NUBPL: variants seen among roughly 807,000 people sequenced by gnomAD.
NUBPL encodes the protein NUBP iron-sulfur cluster assembly factor, mitochondrial, also known as iron-sulfur cluster transfer protein NUBPL.
A neutral mutation model predicts 45.7 loss-of-function variants in NUBPL; 31 were observed. The ratio of observed to expected loss-of-function variants is 0.68; its 90% CI spans 0.51 to 0.92. The LOEUF is 0.92. Ranked by LOEUF, NUBPL falls within the 40% of genes least tolerant of loss-of-function variation. The pLI is 0.00. For missense variants in NUBPL, 401 were observed against 398.7 expected (o/e 1.01, Z -0.05); for synonymous variants, 144 against 140.9 (o/e 1.02, Z -0.15).
intron 3 of NUBPL, among the ~76,000 whole-genome samples, chr14:31,597,852 A>G (rs1200971696): frequency 1.3e-5 from 2 of 152,152 alleles, no homozygotes; most frequent in Non-Finnish European, 2.9e-5. Context: ...GTTAACAATT[A>G]GCCATATTTC....
intron 3 of NUBPL, among the ~76,000 whole-genome samples, chr14:31,596,070 C>T (rs894364300): frequency 3.3e-5 from 5 of 152,072 alleles, no homozygotes; most frequent in African/African-American, 9.6e-5. Flanking sequence ...GCACGCCTAG[C>T]TAATTTTTTG....
intron 8 of NUBPL, among the ~76,000 whole-genome samples, chr14:31,841,707 G>C (rs1401828182): frequency 1.3e-5 from 2 of 152,006 alleles, no homozygotes; most frequent in African/African-American, 4.8e-5. Context: ...CTGCCTGCCT[G>C]CAGCATTAGT....
chr14:31,598,255 C>T (rs538463651), intron 3 of NUBPL, among the ~76,000 whole-genome samples: 208 of 152,094 alleles, frequency 1.4e-3, no homozygotes, highest in Middle Eastern at 0.01. Flanking sequence ...TTCATAGGAA[C>T]CAGATAACAA....
rs546307522 is a variant in NUBPL, at chr14:31,588,479, A to G, written c.292-10810A>G. ...TAAAAAGTAGATCTTCTTAATCTTT[A>G]CAGGTAAGAAAATTGAGGTTTGATG... On this transcript the variant is annotated intron_variant, in intron 3 of 10. Transcript: ENST00000281081. Among the ~76,000 whole-genome samples the G allele has an allele frequency of 4.6e-5, 7 of 152,222 alleles. No individual in the cohort carries two copies. In the South Asian group the frequency reaches 1.5e-3, roughly 32 times the overall value.
intron 6 of NUBPL, among the ~76,000 whole-genome samples, chr14:31,746,914 A>G (rs2038410709): frequency 6.6e-6 from 1 of 151,730 alleles, no homozygotes; most frequent in Non-Finnish European, 1.5e-5. Context: ...TACAAAAAAT[A>G]TAAAAATTAG....
At chr14:31,614,275 C>T (rs2034838654) in intron 4 of NUBPL, among the ~76,000 whole-genome samples, 1 of 152,156 alleles carries the variant, frequency 6.6e-6, no homozygotes, top group African/African-American at 2.4e-5. Flanking sequence ...ATTATTCTTA[C>T]TGTCAGATTA....
intron 7 of NUBPL, among the ~76,000 whole-genome samples, chr14:31,817,157 G>A (rs532562096): frequency 6.6e-6 from 1 of 152,070 alleles, no homozygotes; most frequent in South Asian, 2.1e-4. Flanking sequence ...AATGAACAAA[G>A]CCTTCCAGAA....
At chr14:31,655,471 G>C (rs1408114619) in intron 4 of NUBPL, among the ~76,000 whole-genome samples, 1 of 152,158 alleles carries the variant, frequency 6.6e-6, no homozygotes, top group African/African-American at 2.4e-5. Flanking sequence ...CTAGCACTTT[G>C]GGAGGCTGAT....
At chr14:31,846,640 T>C (rs1324181199) in intron 9 of NUBPL, 49 bp downstream of exon 9, 1 of 1,607,038 alleles carries the variant, frequency 6.2e-7, no homozygotes, top group East Asian at 2.2e-5. Context: ...GAAGAGAAAG[T>C]GGGGATGAGG....
chr14:31,626,081 T>C (rs1486139735), intron 4 of NUBPL, among the ~76,000 whole-genome samples: 2 of 152,192 alleles, frequency 1.3e-5, no homozygotes, highest in Non-Finnish European at 2.9e-5. Flanking sequence ...ATGAACAAAA[T>C]ATGTGTGGGA....
At chr14:31,836,638 T>G (rs113266080) in intron 8 of NUBPL, among the ~76,000 whole-genome samples, 12 of 152,196 alleles carry the variant, frequency 7.9e-5, no homozygotes, top group Admixed American at 3.3e-4. Flanking sequence ...CAAAACCTCC[T>G]TGATTATGGA....
intron 4 of NUBPL, among the ~76,000 whole-genome samples, chr14:31,627,626 C>T (rs191701981): frequency 5.3e-5 from 8 of 151,918 alleles, no homozygotes; most frequent in Admixed American, 1.3e-4. Context: ...ATTAGCCAGA[C>T]GTGGTGGCGG....
intron 4 of NUBPL, among the ~76,000 whole-genome samples, chr14:31,666,124 A>G (rs1595460922): frequency 6.7e-6 from 1 of 149,064 alleles, no homozygotes; most frequent in South Asian, 2.1e-4. Context: ...GTGTCTTTGC[A>G]TGAGATGGGT....
chr14:31,666,263 A>ATATATATATTTATT, intron 4 of NUBPL, among the ~76,000 whole-genome samples: 1,203 of 111,554 alleles, frequency 0.011, 139 homozygotes, highest in Non-Finnish European at 0.016. Context: ...ATATATATAT[A>ATATATATATTTATT]ATTTTATTTT....
At chr14:31,642,096 G>A (rs2035719023) in intron 4 of NUBPL, among the ~76,000 whole-genome samples, 1 of 152,008 alleles carries the variant, frequency 6.6e-6, no homozygotes, top group Non-Finnish European at 1.5e-5. Flanking sequence ...TTGTCAGATG[G>A]ATAGTTTACA....
chr14:31,767,504 C>T (rs1348507319), intron 6 of NUBPL, among the ~76,000 whole-genome samples: 1 of 152,096 alleles, frequency 6.6e-6, no homozygotes, highest in Non-Finnish European at 1.5e-5. Context: ...TGAGCCACCA[C>T]GCCTGGCTTA....
At chr14:31,814,344 G>A (rs916210704) in intron 7 of NUBPL, among the ~76,000 whole-genome samples, 8 of 152,144 alleles carry the variant, frequency 5.3e-5, no homozygotes, top group African/African-American at 1.7e-4. Flanking sequence ...TTTGAGAAGT[G>A]TCTGTTCATA....
intron 4 of NUBPL, among the ~76,000 whole-genome samples, chr14:31,639,964 C>T (rs892591111): frequency 6.6e-6 from 1 of 152,136 alleles, no homozygotes; most frequent in Non-Finnish European, 1.5e-5. Flanking sequence ...GTGGGAGTGA[C>T]CCGATTTTCC....
intron 4 of NUBPL, among the ~76,000 whole-genome samples, chr14:31,653,897 C>T (rs1168586999): frequency 1.3e-5 from 2 of 152,136 alleles, no homozygotes; most frequent in Non-Finnish European, 2.9e-5. Flanking sequence ...ATTTGTGTTC[C>T]TCTGCTGCGG....
Sources: allele counts gnomAD v4.1 joint callset (sites outside exome capture counted in the v4.1 genomes callset), GRCh38; gene constraint gnomAD v4.1.1; transcripts MANE v1.5; gene names NCBI Gene and HGNC (gene_info 2026-07-23, HGNC 2026-07-21).